The following SLC20A2 variants were observed in gnomAD, a reference collection of about 807,000 sequenced individuals.
The protein encoded by SLC20A2 is sodium-dependent phosphate transporter 2.
Under a neutral mutation model 61.0 loss-of-function variants are expected in SLC20A2, and 30 were observed. The observed-to-expected ratio is 0.49, with a 90% CI of 0.37 to 0.67. The LOEUF is 0.67. SLC20A2 is among the 30% of genes least tolerant of loss of function. The pLI, the probability that SLC20A2 is intolerant of heterozygous loss-of-function variation, is 0.00. For missense variants in SLC20A2, 626 were observed against 866.4 expected, an observed-to-expected ratio of 0.72 and a Z score of 3.48; for synonymous variants, 351 against 353.3, an observed-to-expected ratio of 0.99 and a Z score of 0.07.
In SLC20A2 at chr8:42,522,261, C is replaced by G. The variant is rs896465127; in HGVS notation, c.-265+19560G>C. Among the ~76,000 whole-genome samples the G allele has an allele frequency of 1.1e-4, 13 of 121,554 alleles. 4 individuals are homozygous for G. The East Asian group carries it at 1.6e-3, about 15-fold the overall frequency. The allele number at this position is 121,554 out of a possible 152,430, so 79.7% of individuals were successfully genotyped here. On this transcript the variant is annotated intron_variant, in intron 1 of 10. Transcript: ENST00000342228. ...AATGAGGTGGCTGCTGATAAATATCCTTACTTTTCAGATGAGGACACCGAA... is the reference window on the plus strand; with the variant it reads ...AATGAGGTGGCTGCTGATAAATATCGTTACTTTTCAGATGAGGACACCGAA...
intron 1 of SLC20A2, among the ~76,000 whole-genome samples, chr8:42,492,798 C>T (rs974515792): frequency 6.6e-6 from 1 of 152,108 alleles, no homozygotes; most frequent in African/African-American, 2.4e-5. Flanking sequence ...CTGCCTCAGC[C>T]TCCCAAGTAG....
In SLC20A2 at chr8:42,445,044, C is replaced by T. The variant is rs559166242; in HGVS notation, c.614-282G>A. Among the ~76,000 whole-genome samples, 541 of 152,358 alleles carry T rather than the reference C, an allele frequency of 3.6e-3. 3 individuals are homozygous for T. The highest frequency in any genetic ancestry group is 6.2e-3 in the Non-Finnish European group (424 of 68,036). ...TGGCGGCTCACACCTGTAATCCCAG[C>T]ACTTTGGGAGGCCAAGGTGGGAGGA... On this transcript the variant is annotated intron_variant, in intron 5 of 10. Transcript: ENST00000520262.
intron 8 of SLC20A2, among the ~76,000 whole-genome samples, chr8:42,433,331 T>G (rs1464372993): frequency 6.6e-6 from 1 of 151,384 alleles, no homozygotes; most frequent in Non-Finnish European, 1.5e-5. Flanking sequence ...AGAGTATTTA[T>G]CTTTTTTTTT....
intron 5 of SLC20A2, among the ~76,000 whole-genome samples, chr8:42,451,809 G>C (rs1211280324): frequency 1.5e-5 from 2 of 137,676 alleles, no homozygotes; most frequent in Non-Finnish European, 3.1e-5. Context: ...GGAAGAGATG[G>C]AGGAGGAGAA....
Position 42,430,222 on chromosome 8 carries a change from C to T in SLC20A2, c.1551G>A (p.Leu517=). 1.2e-6 allele frequency: 2 copies of T among 1,613,394 alleles called. No individual in the cohort carries two copies. Among genetic ancestry groups the T allele is most frequent in the Non-Finnish European group, 1.7e-6 (2 of 1,179,764 alleles). The stretch of plus-strand genomic sequence containing the variant: ...CCCCGCCTTGTTTGTAAATCAGCCA[C>T]AAGGCTACCAGGGGACCGATGGCAT... ...VSNAIGPLVA[L]WLIYKQGGVT... The change falls in exon 9 of 11, where the codon TTG becomes TTA. Residue 517 remains leucine (L), a synonymous_variant. Transcript: ENST00000520262.
intron 2 of SLC20A2, among the ~76,000 whole-genome samples, chr8:42,470,256 C>T (rs1447104398): frequency 5.6e-5 from 8 of 143,758 alleles, no homozygotes; most frequent in Non-Finnish European, 7.5e-5. Flanking sequence ...CTGGCTATGT[C>T]GCCCATGCTG....
chr8:42,485,638 G>A (rs1208521363), intron 1 of SLC20A2, among the ~76,000 whole-genome samples: 10 of 73,008 alleles, frequency 1.4e-4, no homozygotes, highest in African/African-American at 2.4e-4. Flanking sequence ...ACAAAACTCC[G>A]TCTCAAAAAA....
intron 10 of SLC20A2, among the ~76,000 whole-genome samples, chr8:42,424,038 G>A (rs1294062162): frequency 6.6e-6 from 1 of 152,220 alleles, no homozygotes; most frequent in East Asian, 1.9e-4. Flanking sequence ...TGTCATCAGT[G>A]AGGACTGACA....
At chr8:42,446,906 T>C (rs376237085) in intron 5 of SLC20A2, among the ~76,000 whole-genome samples, 57 of 152,246 alleles carry the variant, frequency 3.7e-4, no homozygotes, top group African/African-American at 1.2e-3. Context: ...ATATATACTA[T>C]AAGAATGTCA....
intron 10 of SLC20A2, among the ~76,000 whole-genome samples, 179 bp downstream of exon 10, chr8:42,428,579 G>A (rs745837849): frequency 9.8e-5 from 15 of 152,372 alleles, no homozygotes; most frequent in South Asian, 2.1e-4. Flanking sequence ...TCGTCCTGCC[G>A]AGAGGAGGAC....
At chr8:42,501,720 G>A (rs763049035), upstream of SLC20A2, among the ~76,000 whole-genome samples, 1 of 152,230 alleles carries the variant, frequency 6.6e-6, no homozygotes, top group Non-Finnish European at 1.5e-5. Flanking sequence ...CACCTCCCAA[G>A]GAGTCGCTAT....
At chr8:42,470,551 AC>A (rs972271389) in intron 2 of SLC20A2, among the ~76,000 whole-genome samples, 2 of 152,160 alleles carry the variant, frequency 1.3e-5, no homozygotes, top group African/African-American at 4.8e-5. Flanking sequence ...GGTGTGTGTT[AC>A]TGGCCTACAG....
intron 5 of SLC20A2, among the ~76,000 whole-genome samples, chr8:42,448,335 A>T (rs1474133930): frequency 6.6e-6 from 1 of 152,202 alleles, no homozygotes; most frequent in African/African-American, 2.4e-5. Context: ...ATATTTTAAA[A>T]ATGAGTGAAC....
intron 1 of SLC20A2, among the ~76,000 whole-genome samples, chr8:42,488,431 G>T (rs534108892): frequency 6.6e-6 from 1 of 151,622 alleles, no homozygotes; most frequent in African/African-American, 2.4e-5. Flanking sequence ...CTTGTGATCC[G>T]CCCGCCTCAG....
intron 4 of SLC20A2, chr8:42,460,214 C>T (rs1298549845): frequency 9.3e-6 from 4 of 430,276 alleles, no homozygotes; most frequent in Non-Finnish European, 1.7e-5. Flanking sequence ...AAAGAGCCCA[C>T]TGTTGTGGCC....
Position 42,491,699 on chromosome 8 carries a change from T to C in SLC20A2, c.-265+9332A>G, listed in dbSNP as rs538672054. Among the ~76,000 whole-genome samples the C allele has an allele frequency of 9.2e-5, 14 of 152,200 alleles. 1 individual carries two copies. In the South Asian group the frequency reaches 2.7e-3, roughly 29 times the overall value. ...AAAAAAAAAGTCACTCTATTTCTCT[T>C]GATGACCATCAGTTTTCCTGCCTTG... On this transcript the variant is annotated intron_variant, in intron 1 of 10. Coordinates refer to ENST00000520262, the MANE Select transcript of SLC20A2 (RefSeq NM_001257180.2).
At chr8:42,477,006 T>G (rs1808166173) in intron 1 of SLC20A2, among the ~76,000 whole-genome samples, 1 of 152,200 alleles carries the variant, frequency 6.6e-6, no homozygotes, top group Non-Finnish European at 1.5e-5. Context: ...CAAAGCTCAA[T>G]GCCAGCAATC....
At chr8:42,508,349 T>C (rs887870310) in intron 1 of SLC20A2, among the ~76,000 whole-genome samples, 1 of 149,154 alleles carries the variant, frequency 6.7e-6, no homozygotes. Flanking sequence ...GAGTGGTATT[T>C]GTTTTTGTTT....
At chr8:42,425,906 G>A (rs1803378370) in intron 10 of SLC20A2, among the ~76,000 whole-genome samples, 1 of 152,148 alleles carries the variant, frequency 6.6e-6, no homozygotes, top group East Asian at 1.9e-4. Context: ...GCTGGTGGTG[G>A]GCACCTGTAG....
Sources: gnomAD v4.1 joint callset for allele counts (sites outside exome capture counted in the v4.1 genomes callset) on GRCh38, gnomAD v4.1.1 for gene constraint, MANE v1.5 for transcripts, NCBI Gene and HGNC (gene_info 2026-07-23, HGNC 2026-07-21) for gene names.